RB1: variants seen among roughly 807,000 people sequenced by gnomAD.
The protein encoded by RB1 is RB transcriptional corepressor 1.
Under a neutral mutation model 135.4 loss-of-function variants are expected in RB1, and 18 were observed. That is an observed-to-expected ratio of 0.13 (90% CI 0.09 to 0.20). RB1 has a LOEUF of 0.20. RB1 is among the 10% of genes least tolerant of loss of function. The pLI, the probability that RB1 is intolerant of heterozygous loss-of-function variation, is 1.00. For synonymous variants in RB1, 365 were observed against 373.2 expected (o/e 0.98, Z 0.25); for missense variants, 868 against 1,110.0 (o/e 0.78, Z 3.10).
chr13:48,341,949 A>G (rs926195437), intron 2 of RB1, among the ~76,000 whole-genome samples: 1 of 151,966 alleles, frequency 6.6e-6, no homozygotes, highest in African/African-American at 2.4e-5. Context: ...TATTGTGGGG[A>G]AAAATGTGTT....
At chr13:48,439,773 A>G (rs572731912) in intron 17 of RB1, 1 of 152,260 alleles carries the variant, frequency 6.6e-6, no homozygotes, top group East Asian at 1.9e-4. Context: ...GTTCCAGAAA[A>G]TAGGCTTTGG....
intron 20 of RB1, among the ~76,000 whole-genome samples, chr13:48,462,493 A>G (rs140236950): frequency 6.6e-6 from 1 of 152,336 alleles, no homozygotes; most frequent in East Asian, 1.9e-4. Context: ...TGTAGTCTAC[A>G]TACAAGTCAC....
At chr13:48,343,757 A>C (rs548796928) in intron 3 of RB1, among the ~76,000 whole-genome samples, 1 of 152,206 alleles carries the variant, frequency 6.6e-6, no homozygotes, top group East Asian at 1.9e-4. Context: ...TTTTCTTTGG[A>C]TATATCTGCA....
intron 2 of RB1, chr13:48,320,302 C>T: frequency 8.1e-7 from 1 of 1,240,182 alleles, no homozygotes; most frequent in Admixed American, 1.8e-5. Context: ...CCGAGCAACC[C>T]CGCTGCGCTG....
chr13:48,386,148 A>G (rs576135746), intron 17 of RB1, among the ~76,000 whole-genome samples: 3 of 152,114 alleles, frequency 2.0e-5, no homozygotes, highest in Non-Finnish European at 2.9e-5. Context: ...TCAAAAAAAT[A>G]AAAAATAAAA....
chr13:48,326,735 C>T (rs1952290959), intron 2 of RB1, among the ~76,000 whole-genome samples: 1 of 152,068 alleles, frequency 6.6e-6, no homozygotes, highest in Non-Finnish European at 1.5e-5. Flanking sequence ...CGAGCAGTTA[C>T]CACCAATAAA....
chr13:48,308,921 T>C (rs953371573), intron 2 of RB1, among the ~76,000 whole-genome samples: 1 of 152,284 alleles, frequency 6.6e-6, no homozygotes, highest in Non-Finnish European at 1.5e-5. Flanking sequence ...TTTTTTCTCA[T>C]ATGAGCATTT....
chr13:48,331,817 A>G (rs893961022), intron 2 of RB1, among the ~76,000 whole-genome samples: 1 of 152,208 alleles, frequency 6.6e-6, no homozygotes. Flanking sequence ...AGCATTATTC[A>G]CAGTCGCAAA....
chr13:48,408,759 T>A (rs1225672852), intron 17 of RB1: 1 of 152,200 alleles, frequency 6.6e-6, no homozygotes, highest in Non-Finnish European at 1.5e-5. Flanking sequence ...TTTTGATTCA[T>A]TTATCTTCCT....
intron 17 of RB1, among the ~76,000 whole-genome samples, chr13:48,440,938 A>C (rs1039385352): frequency 1.3e-5 from 2 of 152,214 alleles, no homozygotes; most frequent in Admixed American, 6.5e-5. Flanking sequence ...TATAATTAAA[A>C]TGTAGGGAAG....
intron 13 of RB1, among the ~76,000 whole-genome samples, chr13:48,378,382 C>A (rs1486108690): frequency 6.6e-6 from 1 of 151,814 alleles, no homozygotes; most frequent in Admixed American, 6.6e-5. Context: ...AAGATTTTTG[C>A]CAAAAACAAA....
chr13:48,317,134 C>T (rs774458889), intron 2 of RB1: 80 of 897,292 alleles, frequency 8.9e-5, no homozygotes, highest in Non-Finnish European at 1.2e-4. Flanking sequence ...GGGCTGGGCC[C>T]GGCCTGGGCC....
At chr13:48,411,589 T>C in intron 17 of RB1, 9 of 1,613,146 alleles carry the variant, frequency 5.6e-6, no homozygotes, top group Non-Finnish European at 7.6e-6. Context: ...GAAACAGCAA[T>C]ACAGAGAGTG....
At chr13:48,318,192 T>C in intron 2 of RB1, 1 of 574,798 alleles carries the variant, frequency 1.7e-6, no homozygotes, top group Non-Finnish European at 3.1e-6. Context: ...GGGAGGTTTG[T>C]TCCCTGGACC....
At chr13:48,443,835 G>A (rs1293520123) in intron 17 of RB1, among the ~76,000 whole-genome samples, 3 of 151,990 alleles carry the variant, frequency 2.0e-5, no homozygotes, top group Non-Finnish European at 4.4e-5. Flanking sequence ...AAAAAGATAA[G>A]CTGAAAAACA....
At chr13:48,387,550 G>A (rs954072439) in intron 17 of RB1, among the ~76,000 whole-genome samples, 1 of 152,006 alleles carries the variant, frequency 6.6e-6, no homozygotes, top group African/African-American at 2.4e-5. Flanking sequence ...GGAGGACTAG[G>A]TGTTTTGAGG....
At chr13:48,446,553 G>A (rs1231099633) in intron 17 of RB1, among the ~76,000 whole-genome samples, 1 of 152,172 alleles carries the variant, frequency 6.6e-6, no homozygotes, top group African/African-American at 2.4e-5. Flanking sequence ...GCAGAGGTAG[G>A]AGTAGCAAAT....
chr13:48,479,501 TTA>T (rs1949524231), intron 26 of RB1, among the ~76,000 whole-genome samples: 4 of 152,178 alleles, frequency 2.6e-5, no homozygotes, highest in Non-Finnish European at 5.9e-5. Flanking sequence ...GAAGTTCTAT[TTA>T]TCTCATTTTA....
At chr13:48,457,882 C>G (rs1002101106) in intron 19 of RB1, among the ~76,000 whole-genome samples, 1 of 152,244 alleles carries the variant, frequency 6.6e-6, no homozygotes, top group Non-Finnish European at 1.5e-5. Flanking sequence ...CACTTCTGAG[C>G]CTGCGAGGGC....
Sources: allele counts gnomAD v4.1 joint callset (sites outside exome capture counted in the v4.1 genomes callset), GRCh38; gene constraint gnomAD v4.1.1; transcripts MANE v1.5; gene names NCBI Gene and HGNC (gene_info 2026-07-23, HGNC 2026-07-21).